ENTPD4: variants seen among roughly 807,000 people sequenced by gnomAD.
ENTPD4 encodes the protein ectonucleoside triphosphate diphosphohydrolase 4.
In ENTPD4, 60 loss-of-function variants were observed where a neutral mutation model predicts 79.1. The ratio of observed to expected loss-of-function variants is 0.76; its 90% confidence interval spans 0.62 to 0.94. The LOEUF (loss-of-function observed/expected upper bound fraction) is 0.94, where lower values mean the gene tolerates loss of function less well. Ranked by LOEUF, ENTPD4 falls within the 40% of genes least tolerant of loss-of-function variation. The pLI, the probability that ENTPD4 is intolerant of heterozygous loss-of-function variation, is 0.00. For synonymous variants in ENTPD4, 276 were observed against 292.0 expected, an observed-to-expected ratio of 0.95 and a Z score of 0.56; for missense variants, 772 against 775.1, an observed-to-expected ratio of 1.00 and a Z score of 0.05.
intron 12 of ENTPD4, among the ~76,000 whole-genome samples, chr8:23,433,758 G>C (rs1180525400): frequency 1.3e-5 from 2 of 152,182 alleles, no homozygotes; most frequent in Non-Finnish European, 2.9e-5. Flanking sequence ...GAAAATCACA[G>C]ATCTTTCATG....
rs770015147 is a variant in ENTPD4, at chr8:23,434,482, C to A, written c.1461-4G>T. 2 of 1,613,960 alleles carry A rather than the reference C, an allele frequency of 1.2e-6. No individual in the cohort carries two copies. The highest frequency in any genetic ancestry group is 2.7e-5 in the African/African-American group (2 of 75,014). On this transcript the variant is annotated splice_region_variant and splice_polypyrimidine_tract_variant and intron_variant, in intron 11 of 12. Transcript: ENST00000358689. ...GGCCGATTTGAAGCACTGATACCTA[C>A]AAACGGCAAGCACAAAGGCAAGTCA...
Position 23,437,002 on chromosome 8 carries a change from A to C in ENTPD4, c.1306T>G (p.Tyr436Asp). The C allele has an allele frequency of 6.2e-7, 1 of 1,614,088 alleles. No individual in the cohort carries two copies. The highest frequency in any genetic ancestry group is 8.5e-7 in the Non-Finnish European group (1 of 1,179,958). Residue 436 changes from tyrosine to aspartate, a missense_variant, in exon 10 of 13, where the codon TAC becomes GAC. Coordinates refer to ENST00000358689, the MANE Select transcript of ENTPD4 (RefSeq NM_004901.5). ...ATTCGTAACACATCCTCGGTGCAGTAGTAGAATTCGGAGAAGCCATAGAAT... is the reference window on the plus strand; with the variant it reads ...ATTCGTAACACATCCTCGGTGCAGTCGTAGAATTCGGAGAAGCCATAGAAT... ...SEFYGFSEFYYCTEDVLRMGG... is the reference protein window; with the variant it reads ...SEFYGFSEFYDCTEDVLRMGG...
chr8:23,443,762 G>C (rs1800713567), intron 6 of ENTPD4, 88 bp downstream of exon 6: 1 of 712,462 alleles, frequency 1.4e-6, no homozygotes, highest in Non-Finnish European at 2.5e-6. Context: ...TAAGACAATA[G>C]GAGTATAACA....
rs557937944 is a variant in ENTPD4 at position 23,441,106 on chromosome 8, G to A, written c.882+463C>T. Among the ~76,000 whole-genome samples, 23 of 152,282 alleles carry A rather than the reference G, an allele frequency of 1.5e-4. No homozygotes were observed. The South Asian group carries it at 4.8e-3, about 32-fold the overall frequency. On this transcript the variant is annotated intron_variant, in intron 8 of 12. Coordinates refer to ENST00000358689, the MANE Select transcript of ENTPD4 (RefSeq NM_004901.5). ...CAGCAACTGAGAGGGCACAGAACAG[G>A]GTGGAGAACAGTTCGAGTAAACCAC...
intron 12 of ENTPD4, chr8:23,434,101 C>G (rs1800510855): frequency 1.7e-6 from 1 of 574,860 alleles, no homozygotes; most frequent in South Asian, 2.3e-5. Flanking sequence ...GGCAGTAGGA[C>G]AGGAGTGCTG....
intron 4 of ENTPD4, among the ~76,000 whole-genome samples, chr8:23,444,896 C>T (rs1468405116): frequency 6.6e-6 from 1 of 152,196 alleles, no homozygotes; most frequent in Non-Finnish European, 1.5e-5. Flanking sequence ...CTCCCCCTCT[C>T]CTCAGGTGAG....
chr8:23,433,215 T>G, intron 12 of ENTPD4, 61 bp from the exon 13 acceptor site: 1 of 1,464,194 alleles, frequency 6.8e-7, no homozygotes, highest in Non-Finnish European at 9.5e-7. Context: ...GTGGAAAGGG[T>G]GCACAGGGGG....
chr8:23,434,235 GC>G, intron 12 of ENTPD4, 81 bp downstream of exon 12: 4 of 1,550,598 alleles, frequency 2.6e-6, no homozygotes, highest in Non-Finnish European at 3.5e-6. Flanking sequence ...GCCCCAAACA[GC>G]CACAGACCAC....
intron 3 of ENTPD4, among the ~76,000 whole-genome samples, chr8:23,448,451 G>C (rs952061748): frequency 1.3e-4 from 20 of 152,156 alleles, no homozygotes; most frequent in African/African-American, 4.3e-4. Flanking sequence ...GGGCCTCAGG[G>C]GGATGATTAG....
At position 23,431,689 on chromosome 8, in the gene ENTPD4, A is replaced by T. The variant is rs927291014; in HGVS notation, c.*1237T>A. ...TTAAAAGCTGAGATGACTTTTAATT[A>T]AGGGGGGTGGGGGAAACACCAATTG... On this transcript the variant is annotated 3_prime_UTR_variant, in exon 13 of 13. Transcript: ENST00000358689. The T allele has an allele frequency of 2.0e-6, 2 of 985,362 alleles. No homozygotes were observed. The highest frequency in any genetic ancestry group is 2.4e-6 in the Non-Finnish European group (2 of 830,014). The allele number at this position is 985,362 out of a possible 1,614,324, so 61.0% of individuals were successfully genotyped here. A position where few individuals can be genotyped will look rare whatever the true frequency, so the allele number is the denominator to read the frequency against.
chr8:23,455,217 A>C (rs1800936981), intron 1 of ENTPD4, among the ~76,000 whole-genome samples: 1 of 152,252 alleles, frequency 6.6e-6, no homozygotes, highest in South Asian at 2.1e-4. Flanking sequence ...AGATGCAAGG[A>C]AACAGATGTT....
At position 23,447,867 on chromosome 8, in the gene ENTPD4, G is replaced by A. The variant is rs761352609; in HGVS notation, c.225C>T (p.Thr75=). 5.3e-5 allele frequency: 85 copies of A among 1,613,920 alleles called. No individual in the cohort carries two copies. The highest frequency in any genetic ancestry group is 5.6e-5 in the Non-Finnish European group (66 of 1,179,982). ...TATTGGTGTCTGTAGCTTCAATGTC[G>A]GTAACTCGTGCCAGGTACCTTGTAT... ...KKFQRYLARV[T]DIEATDTNNP... The change falls in exon 4 of 13, where the codon ACC becomes ACT. Residue 75 remains threonine (T), a synonymous_variant. Transcript: ENST00000358689.
At chr8:23,451,673 A>T (rs151287259) in intron 1 of ENTPD4, among the ~76,000 whole-genome samples, 1 of 152,168 alleles carries the variant, frequency 6.6e-6, no homozygotes, top group Non-Finnish European at 1.5e-5. Context: ...TTTACACTGC[A>T]TTCCAGCCAC....
chr8:23,445,956 CA>C (rs2117296315), intron 4 of ENTPD4, among the ~76,000 whole-genome samples: 1 of 152,126 alleles, frequency 6.6e-6, no homozygotes, highest in Non-Finnish European at 1.5e-5. Context: ...ATTACAAACC[CA>C]AAAAGATTAA....
intron 1 of ENTPD4, among the ~76,000 whole-genome samples, chr8:23,454,660 T>C (rs1800924285): frequency 6.6e-6 from 1 of 151,912 alleles, no homozygotes; most frequent in Non-Finnish European, 1.5e-5. Context: ...ACCGAGAGAA[T>C]GATCACAGCG....
intron 1 of ENTPD4, among the ~76,000 whole-genome samples, chr8:23,453,277 A>C (rs1214422743): frequency 6.6e-6 from 1 of 152,224 alleles, no homozygotes; most frequent in African/African-American, 2.4e-5. Context: ...GTTTACACAA[A>C]AAGTAAAAAG....
At chr8:23,435,541 T>C in intron 10 of ENTPD4, 64 bp from the exon 11 acceptor site, 1 of 1,202,388 alleles carries the variant, frequency 8.3e-7, no homozygotes, top group Non-Finnish European at 1.2e-6. Flanking sequence ...ACTTTAAAAA[T>C]GGTTTACCAA....
intron 11 of ENTPD4, among the ~76,000 whole-genome samples, chr8:23,435,160 G>T (rs1170605164): frequency 6.6e-6 from 1 of 152,200 alleles, no homozygotes; most frequent in African/African-American, 2.4e-5. Flanking sequence ...AACAAGCAAA[G>T]GTATGAACAG....
intron 9 of ENTPD4, 89 bp downstream of exon 9, chr8:23,439,660 T>G (rs1000547558): frequency 1.4e-5 from 17 of 1,216,798 alleles, no homozygotes; most frequent in Non-Finnish European, 2.0e-5. Context: ...CTTTTGCTAA[T>G]TGAGTTCTTC....
Sources: allele counts gnomAD v4.1 joint callset (sites outside exome capture counted in the v4.1 genomes callset), GRCh38; gene constraint gnomAD v4.1.1; transcripts MANE v1.5; gene names NCBI Gene and HGNC (gene_info 2026-07-23, HGNC 2026-07-21).